IPO11: variants seen among roughly 807,000 people sequenced by gnomAD.
The protein encoded by IPO11 is importin-11.
In IPO11, 66 loss-of-function variants were observed where a neutral mutation model predicts 143.2. That is an observed-to-expected ratio of 0.46 (90% CI 0.38 to 0.57). The LOEUF is 0.57. Ranked by LOEUF, IPO11 falls within the 20% of genes least tolerant of loss-of-function variation. The pLI, the probability that IPO11 is intolerant of heterozygous loss-of-function variation, is 0.00. For synonymous variants in IPO11, 385 were observed against 377.8 expected (o/e 1.02, Z -0.22); for missense variants, 1,026 against 1,141.0 (o/e 0.90, Z 1.45).
At chr5:62,548,269 C>T (rs1451918122) in intron 24 of IPO11, among the ~76,000 whole-genome samples, 1 of 152,072 alleles carries the variant, frequency 6.6e-6, no homozygotes, top group African/African-American at 2.4e-5. Context: ...TTTATGTTCA[C>T]TAAACTGTCT....
intron 27 of IPO11, among the ~76,000 whole-genome samples, chr5:62,589,219 C>G (rs187181251): frequency 2.0e-4 from 30 of 152,286 alleles, no homozygotes; most frequent in South Asian, 6.2e-4. Context: ...TGCACTCCCT[C>G]TAGTTATTAC....
chr5:62,572,252 A>G (rs1457140525), intron 27 of IPO11, among the ~76,000 whole-genome samples: 1 of 152,226 alleles, frequency 6.6e-6, no homozygotes, highest in African/African-American at 2.4e-5. Context: ...TACTTCTTCC[A>G]ACCACTTAAA....
chr5:62,554,927 C>T (rs1360075508), intron 26 of IPO11, among the ~76,000 whole-genome samples: 1 of 152,184 alleles, frequency 6.6e-6, no homozygotes, highest in East Asian at 1.9e-4. Context: ...TTTGGCCAGG[C>T]TGGTCTCAAA....
chr5:62,581,096 A>C, intron 27 of IPO11: 1 of 1,549,028 alleles, frequency 6.5e-7, no homozygotes, highest in Non-Finnish European at 8.7e-7. Flanking sequence ...GTTCAGTTTA[A>C]ACAAAAACTA....
chr5:62,599,366 C>G (rs1745413837), intron 28 of IPO11, among the ~76,000 whole-genome samples: 1 of 152,096 alleles, frequency 6.6e-6, no homozygotes. Flanking sequence ...TTAAAGCATC[C>G]AAATTTGATA....
At chr5:62,465,031 A>G (rs1745518335) in intron 5 of IPO11, among the ~76,000 whole-genome samples, 1 of 152,238 alleles carries the variant, frequency 6.6e-6, no homozygotes, top group Admixed American at 6.5e-5. Context: ...TTTTCTTACA[A>G]AAAGACACAG....
At chr5:62,437,530 C>G in intron 2 of IPO11, 113 bp downstream of exon 2, 2 of 767,186 alleles carry the variant, frequency 2.6e-6, no homozygotes, top group South Asian at 2.2e-5. Flanking sequence ...AGATGTTTGG[C>G]TGCTGATGCC....
At chr5:62,485,984 C>CTTTTTTTT (rs746289007) in intron 12 of IPO11, among the ~76,000 whole-genome samples, 1 of 130,256 alleles carries the variant, frequency 7.7e-6, no homozygotes, top group African/African-American at 2.8e-5. Flanking sequence ...TTTTCTTTTT[C>CTTTTTTTT]TTTTTTTTTT....
chr5:62,490,500 G>T (rs995486424), intron 15 of IPO11, among the ~76,000 whole-genome samples: 2 of 152,124 alleles, frequency 1.3e-5, no homozygotes, highest in African/African-American at 4.8e-5. Context: ...TCGAAACTTA[G>T]CAGGATGTAT....
chr5:62,537,183 T>G, intron 23 of IPO11, 26 bp from the exon 24 acceptor site: 1 of 1,358,632 alleles, frequency 7.4e-7, no homozygotes. Context: ...TATTCTTACA[T>G]ATATTGACTT....
intron 2 of IPO11, 25 bp from the exon 3 acceptor site, chr5:62,442,958 C>A (rs1355074141): frequency 7.6e-7 from 1 of 1,308,034 alleles, no homozygotes. Flanking sequence ...CATGCTAATT[C>A]TAATATTATG....
intron 28 of IPO11, among the ~76,000 whole-genome samples, chr5:62,592,176 A>G (rs1040855519): frequency 3.3e-5 from 5 of 152,202 alleles, no homozygotes; most frequent in African/African-American, 1.2e-4. Context: ...TGTTACAGCG[A>G]CAACCTGAAT....
At chr5:62,439,312 C>T (rs112171669) in intron 2 of IPO11, among the ~76,000 whole-genome samples, 1,896 of 99,070 alleles carry the variant, frequency 0.019, 45 homozygotes, top group African/African-American at 0.073. Flanking sequence ...TTTTTTGAGA[C>T]GTCTCGCTCT....
At chr5:62,493,010 C>A (rs1225401906) in intron 15 of IPO11, among the ~76,000 whole-genome samples, 1 of 152,102 alleles carries the variant, frequency 6.6e-6, no homozygotes, top group Non-Finnish European at 1.5e-5. Context: ...TTCTTGGACA[C>A]AAATGTTTTG....
At chr5:62,417,839 C>T (rs907687523) in intron 1 of IPO11, among the ~76,000 whole-genome samples, 2 of 152,156 alleles carry the variant, frequency 1.3e-5, no homozygotes, top group African/African-American at 4.8e-5. Context: ...TTCAACCTTC[C>T]TGACATTGTT....
At chr5:62,461,192 G>A (rs1406503779) in intron 5 of IPO11, among the ~76,000 whole-genome samples, 4 of 152,128 alleles carry the variant, frequency 2.6e-5, no homozygotes, top group Non-Finnish European at 5.9e-5. Context: ...GGAAAAGTGG[G>A]AATTTATTGC....
chr5:62,413,116 C>G (rs1417594266), intron 1 of IPO11, among the ~76,000 whole-genome samples, 187 bp downstream of exon 1: 3 of 152,146 alleles, frequency 2.0e-5, no homozygotes, highest in Non-Finnish European at 4.4e-5. Context: ...TGGGGGCTGG[C>G]CGAGGCAGCC....
chr5:62,483,921 G>T (rs1448534394), intron 10 of IPO11, 89 bp from the exon 11 acceptor site: 56 of 1,084,020 alleles, frequency 5.2e-5, no homozygotes, highest in Non-Finnish European at 7.0e-5. Flanking sequence ...TCTTCCCTGA[G>T]AGTGTATTTT....
At chr5:62,524,911 T>C (rs1172966112) in intron 20 of IPO11, among the ~76,000 whole-genome samples, 2 of 152,182 alleles carry the variant, frequency 1.3e-5, no homozygotes, top group African/African-American at 4.8e-5. Flanking sequence ...CCTTTTTGTG[T>C]TCATGAAATT....
Sources: allele counts gnomAD v4.1 joint callset (sites outside exome capture counted in the v4.1 genomes callset), GRCh38; gene constraint gnomAD v4.1.1; transcripts MANE v1.5; gene names NCBI Gene and HGNC (gene_info 2026-07-23, HGNC 2026-07-21).